Variants in OIT3 observed in about 807,000 individuals in gnomAD.
OIT3 encodes the protein oncoprotein induced transcript 3, also known as oncoprotein-induced transcript 3 protein.
A neutral mutation model predicts 52.2 loss-of-function variants in OIT3; 41 were observed. The observed-to-expected ratio is 0.79, with a 90% CI of 0.61 to 1.02. OIT3 has a LOEUF of 1.02. Among genes scored for constraint, OIT3 ranks in the 50% least tolerant of loss-of-function variants. OIT3 has a pLI of 0.00. For missense variants in OIT3, 634 were observed against 715.5 expected, an observed-to-expected ratio of 0.89 and a Z score of 1.30; for synonymous variants, 244 against 276.9, an observed-to-expected ratio of 0.88 and a Z score of 1.18.
chr10:72,930,808 A>G (rs540593756), intron 8 of OIT3, among the ~76,000 whole-genome samples, 171 bp downstream of exon 8: 2 of 151,442 alleles, frequency 1.3e-5, no homozygotes, highest in South Asian at 4.2e-4. Flanking sequence ...TGCATGTCAC[A>G]CCCGCCCTGC....
At chr10:72,908,446 A>C (rs1023854924) in intron 4 of OIT3, among the ~76,000 whole-genome samples, 4 of 152,216 alleles carry the variant, frequency 2.6e-5, no homozygotes, top group Non-Finnish European at 2.9e-5. Context: ...AAAATAATAA[A>C]AATACTACCC....
chr10:72,899,098 G>C, intron 2 of OIT3, 60 bp downstream of exon 2: 1 of 1,509,328 alleles, frequency 6.6e-7, no homozygotes, highest in South Asian at 1.3e-5. Context: ...GAGTCCAAAA[G>C]TGCCAATTAT....
At chr10:72,908,522 G>A (rs1397861756) in intron 4 of OIT3, among the ~76,000 whole-genome samples, 1 of 152,090 alleles carries the variant, frequency 6.6e-6, no homozygotes, top group Non-Finnish European at 1.5e-5. Context: ...ATTATTAACT[G>A]AGAGACCATT....
At chr10:72,922,324 A>G (rs1002928583) in intron 6 of OIT3, among the ~76,000 whole-genome samples, 4 of 151,524 alleles carry the variant, frequency 2.6e-5, no homozygotes, top group African/African-American at 4.9e-5. Context: ...CCAATCAGTC[A>G]TATATTCAGT....
chr10:72,896,962 T>G (rs1429025820), intron 1 of OIT3, among the ~76,000 whole-genome samples: 2 of 152,244 alleles, frequency 1.3e-5, no homozygotes, highest in African/African-American at 4.8e-5. Flanking sequence ...AGGGGAGCAA[T>G]GAGAATATTG....
At chr10:72,931,779 A>G (rs983437490) in intron 8 of OIT3, among the ~76,000 whole-genome samples, 1 of 152,220 alleles carries the variant, frequency 6.6e-6, no homozygotes. Context: ...TTGTTGAAAC[A>G]TTTAAACAAA....
intron 3 of OIT3, among the ~76,000 whole-genome samples, chr10:72,902,302 A>G (rs1845941371): frequency 6.6e-6 from 1 of 152,052 alleles, no homozygotes; most frequent in Admixed American, 6.6e-5. Flanking sequence ...TTGTTCATGC[A>G]TTTCTTTGCT....
rs936767487 is a variant in OIT3 at position 72,894,828 on chromosome 10, C to T, written c.61+969C>T. Among the ~76,000 whole-genome samples the T allele has an allele frequency of 8.5e-5, 13 of 152,134 alleles. No individual in the cohort carries two copies. In the East Asian group the frequency reaches 2.5e-3, roughly 29 times the overall value. ...ACTTGAACTCGGGATGTGGAGGTTGCAGTGAGCCGAGATCGAACCACTGCA... is the reference window on the plus strand; with the variant it reads ...ACTTGAACTCGGGATGTGGAGGTTGTAGTGAGCCGAGATCGAACCACTGCA... On this transcript the variant is annotated intron_variant, in intron 1 of 8. Coordinates refer to ENST00000334011, the MANE Select transcript of OIT3 (RefSeq NM_152635.3).
chr10:72,910,145 A>G (rs756390833), intron 4 of OIT3, among the ~76,000 whole-genome samples: 2 of 152,172 alleles, frequency 1.3e-5, no homozygotes, highest in Non-Finnish European at 2.9e-5. Flanking sequence ...AATATCCTGA[A>G]TGAACATTTA....
intron 1 of OIT3, among the ~76,000 whole-genome samples, chr10:72,896,676 A>AT (rs1845878068): frequency 6.6e-6 from 1 of 152,176 alleles, no homozygotes; most frequent in Admixed American, 6.5e-5. Flanking sequence ...AATCTAAAGT[A>AT]TTTTCTAGAC....
intron 7 of OIT3, among the ~76,000 whole-genome samples, chr10:72,930,178 AGAG>A (rs1846203582): frequency 6.6e-6 from 1 of 152,234 alleles, no homozygotes; most frequent in Non-Finnish European, 1.5e-5. Context: ...TAAGGTACAT[AGAG>A]GCAGAATTCC....
intron 1 of OIT3, among the ~76,000 whole-genome samples, chr10:72,897,881 T>C (rs1156561480): frequency 6.6e-6 from 1 of 152,226 alleles, no homozygotes; most frequent in Non-Finnish European, 1.5e-5. Context: ...TTTTCTTCCA[T>C]CTTCTTTTTT....
At chr10:72,914,969 G>A (rs1303338491) in intron 6 of OIT3, among the ~76,000 whole-genome samples, 1 of 151,902 alleles carries the variant, frequency 6.6e-6, no homozygotes, top group Admixed American at 6.6e-5. Flanking sequence ...AGGTTCAAGC[G>A]ATTCTCCTGC....
At chr10:72,927,710 C>T (rs555031978) in intron 7 of OIT3, among the ~76,000 whole-genome samples, 3 of 152,272 alleles carry the variant, frequency 2.0e-5, no homozygotes, top group East Asian at 3.9e-4. Context: ...GTTTCTGCTC[C>T]TGCCAAAGGG....
At position 72,932,343 on chromosome 10, in the gene OIT3, C is replaced by A. The variant is rs1846223470; in HGVS notation, c.1468-11C>A. ...TATTGTTTTTATTAACAGTCGTGAT[C>A]ATCTCTTCAGGAAGTGTTTCTGCAC... On this transcript the variant is annotated splice_polypyrimidine_tract_variant and intron_variant, in intron 8 of 8. Coordinates refer to ENST00000334011, the MANE Select transcript of OIT3 (RefSeq NM_152635.3). 3 of 1,613,438 alleles carry A rather than the reference C, an allele frequency of 1.9e-6. No individual in the cohort carries two copies. The highest frequency in any genetic ancestry group is 1.6e-4 in the Middle Eastern group (1 of 6,082).
rs917844549 is a variant in OIT3 at position 72,898,822 on chromosome 10, T to A, written c.220T>A (p.Cys74Ser). 4 of 1,614,012 alleles carry A rather than the reference T, an allele frequency of 2.5e-6. No individual in the cohort carries two copies. Among genetic ancestry groups the A allele is most frequent in the Non-Finnish European group, 3.4e-6 (4 of 1,180,018 alleles). ...GMAGDAMPTF[C>S]IPENHCGTHA... ...GGCGGGAGATGCCATGCCTACCTTC[T>A]GCATACCAGAAAACCACTGTGGAAC... The change falls in exon 2 of 9, where the codon TGC (cysteine) becomes AGC (serine). Residue 74 changes from cysteine to serine, a missense_variant. Transcript: ENST00000334011.
At chr10:72,915,851 C>T (rs1331693079) in intron 6 of OIT3, among the ~76,000 whole-genome samples, 3 of 152,202 alleles carry the variant, frequency 2.0e-5, no homozygotes, top group Non-Finnish European at 4.4e-5. Flanking sequence ...TGCCACTGTG[C>T]ACATTCTGTG....
chr10:72,893,935 A>G, intron 1 of OIT3, 76 bp downstream of exon 1: 1 of 1,013,206 alleles, frequency 9.9e-7, no homozygotes, highest in Non-Finnish European at 1.5e-6. Flanking sequence ...GATGATTAAG[A>G]ACTAGATTCC....
chr10:72,900,249 G>A (rs1361754904), intron 2 of OIT3, 128 bp from the exon 3 acceptor site: 3 of 608,444 alleles, frequency 4.9e-6, no homozygotes, highest in African/African-American at 1.9e-5. Context: ...TTGAGCCCAG[G>A]GGTTCGAGGC....
Sources: allele counts gnomAD v4.1 joint callset (sites outside exome capture counted in the v4.1 genomes callset), GRCh38; gene constraint gnomAD v4.1.1; transcripts MANE v1.5; gene names NCBI Gene and HGNC (gene_info 2026-07-23, HGNC 2026-07-21).